The following PRKN variants were observed in gnomAD, a reference collection of about 807,000 sequenced individuals.
PRKN encodes the protein parkin RBR E3 ubiquitin protein ligase, also known as E3 ubiquitin-protein ligase parkin.
PRKN carries 56 observed loss-of-function variants against 59.5 expected under a neutral mutation model. That is an observed-to-expected ratio of 0.94 (90% CI 0.76 to 1.18). The LOEUF is 1.18. Among genes scored for constraint, PRKN ranks in the 50% most tolerant of loss-of-function variants. PRKN has a pLI of 0.00. For synonymous variants in PRKN, 250 were observed against 222.1 expected, an observed-to-expected ratio of 1.13 and a Z score of -1.12; for missense variants, 657 against 596.4, an observed-to-expected ratio of 1.10 and a Z score of -1.06.
At chr6:161,698,827 A>G (rs1178033148) in intron 7 of PRKN, among the ~76,000 whole-genome samples, 3 of 152,212 alleles carry the variant, frequency 2.0e-5, no homozygotes, top group Non-Finnish European at 4.4e-5. Flanking sequence ...GTAAAACACT[A>G]AACTATAAAA....
At chr6:162,233,489 T>C (rs1778511547) in intron 3 of PRKN, among the ~76,000 whole-genome samples, 1 of 152,192 alleles carries the variant, frequency 6.6e-6, no homozygotes, top group South Asian at 2.1e-4. Flanking sequence ...CTCAGTTATG[T>C]TAATGGAAAG....
chr6:161,414,491 C>T lies in PRKN; in HGVS notation c.1084-27614G>A, dbSNP rs1054918749. Among the ~76,000 whole-genome samples the T allele has an allele frequency of 4.6e-5, 7 of 152,200 alleles. No individual in the cohort carries two copies. The highest frequency in any genetic ancestry group is 1.2e-4 in the African/African-American group (5 of 41,434). Reference sequence around the variant, plus strand: ...CTCAAATGTTCTCTGATCTCCTGTTCGAAGCAAATAACAGAGTGCTAAAAT... The same window carrying T: ...CTCAAATGTTCTCTGATCTCCTGTTTGAAGCAAATAACAGAGTGCTAAAAT... On this transcript the variant is annotated intron_variant, in intron 9 of 11. Coordinates refer to ENST00000366898, the MANE Select transcript of PRKN (RefSeq NM_004562.3). The surrounding 1 kb of genome is among the most constrained non-coding windows in gnomAD (Gnocchi z 5.3).
chr6:161,687,614 G>T (rs186157102), intron 7 of PRKN, among the ~76,000 whole-genome samples: 31 of 150,418 alleles, frequency 2.1e-4, no homozygotes, highest in Admixed American at 5.3e-4. Context: ...GAACCACCAC[G>T]CCCGGCTAAT....
At chr6:162,322,860 A>G (rs911185813) in intron 2 of PRKN, among the ~76,000 whole-genome samples, 4 of 151,946 alleles carry the variant, frequency 2.6e-5, no homozygotes, top group Non-Finnish European at 5.9e-5. Context: ...AGAAAATGTG[A>G]CACATATATA....
chr6:162,315,281 T>A (rs1333761685), intron 2 of PRKN, among the ~76,000 whole-genome samples: 1 of 152,160 alleles, frequency 6.6e-6, no homozygotes, highest in Non-Finnish European at 1.5e-5. Flanking sequence ...TATAAGCAAC[T>A]AGTTATTGAA....
intron 7 of PRKN, among the ~76,000 whole-genome samples, chr6:161,689,185 T>TAC (rs34193135): frequency 0.071 from 10,227 of 143,944 alleles, 399 homozygotes; most frequent in East Asian, 0.11. Context: ...AATTAAATTG[T>TAC]ACACACACAC....
At chr6:162,613,948 G>A (rs1043461034) in intron 1 of PRKN, among the ~76,000 whole-genome samples, 3 of 152,078 alleles carry the variant, frequency 2.0e-5, no homozygotes, top group Admixed American at 6.6e-5. Flanking sequence ...TCACTGAGAG[G>A]GTTCCAGGAA....
At position 161,473,151 on chromosome 6, in the gene PRKN, A is replaced by T. The variant is rs114914531; in HGVS notation, c.1083+75703T>A. Among the ~76,000 whole-genome samples the T allele has an allele frequency of 1.3e-3, 199 of 152,286 alleles. No homozygotes were observed. The highest frequency in any genetic ancestry group is 4.4e-3 in the African/African-American group (183 of 41,570). On this transcript the variant is annotated intron_variant, in intron 9 of 11. Transcript: ENST00000366898. This position sits in a 1 kb window ranked among gnomAD's most constrained non-coding sequence, Gnocchi z 4.1. ...TGATCCAGCAATCTCTCTGCTGAGT[A>T]TATACTCAAAAGAAGTAAAATTAGC...
intron 7 of PRKN, 126 bp downstream of exon 7, chr6:161,785,646 T>A (rs1481192522): frequency 2.2e-6 from 2 of 916,080 alleles, no homozygotes; most frequent in East Asian, 2.6e-5. Context: ...ATGTTTCATA[T>A]CCAGCAATGA....
rs558199535 is a variant in PRKN, at chr6:161,377,990, A to C, written c.1167+8804T>G. 1.2e-3 allele frequency among the ~76,000 whole-genome samples: 176 copies of C among 152,234 alleles called. No homozygotes were observed. Among genetic ancestry groups the C allele is most frequent in the African/African-American group, 4.2e-3 (175 of 41,540 alleles). ...GCCCAAACAGATGAGGCAGCAGCTGACAGTGGACTGTGTGTGGAAAGGAAA... is the reference window on the plus strand; with the variant it reads ...GCCCAAACAGATGAGGCAGCAGCTGCCAGTGGACTGTGTGTGGAAAGGAAA... On this transcript the variant is annotated intron_variant, in intron 10 of 11. Transcript: ENST00000366898. The surrounding 1 kb of genome is among the most constrained non-coding windows in gnomAD (Gnocchi z 4.2).
intron 1 of PRKN, among the ~76,000 whole-genome samples, chr6:162,566,486 A>G (rs745819493): frequency 5.3e-5 from 8 of 152,322 alleles, no homozygotes; most frequent in East Asian, 1.9e-4. Flanking sequence ...AAGGATCATT[A>G]GTGGCTACTA....
chr6:162,264,200 C>T (rs1780021710), intron 2 of PRKN, among the ~76,000 whole-genome samples: 1 of 152,134 alleles, frequency 6.6e-6, no homozygotes, highest in Non-Finnish European at 1.5e-5. Context: ...TTGCTTGAAC[C>T]TGGGAGGCGA....
Position 161,545,335 on chromosome 6 carries a change from A to G in PRKN, c.1083+3519T>C. 6.3e-7 allele frequency: 1 copy of G among 1,598,750 alleles called. No individual in the cohort carries two copies. The highest frequency in any genetic ancestry group is 8.5e-7 in the Non-Finnish European group (1 of 1,172,426). On this transcript the variant is annotated intron_variant, in intron 9 of 11. Transcript: ENST00000366898. The surrounding 1 kb of genome is among the most constrained non-coding windows in gnomAD (Gnocchi z 4.1). ...CTTTTTCCACATCTGGAACTCTGTA[A>G]TTCTTCTATAGCTTTGCTACCAATG...
chr6:162,193,149 T>C (rs780638554), intron 4 of PRKN, among the ~76,000 whole-genome samples: 19 of 152,268 alleles, frequency 1.2e-4, no homozygotes, highest in Middle Eastern at 6.8e-3. Context: ...GTCAATGAAT[T>C]ACCAACATTG....
chr6:162,585,873 T>C (rs1051185018), intron 1 of PRKN, among the ~76,000 whole-genome samples: 2 of 152,054 alleles, frequency 1.3e-5, no homozygotes, highest in South Asian at 4.1e-4. Flanking sequence ...GGCTAATTTT[T>C]TTTGTGTTTT....
At chr6:162,258,417 G>C (rs1373745788) in intron 3 of PRKN, among the ~76,000 whole-genome samples, 1 of 152,176 alleles carries the variant, frequency 6.6e-6, no homozygotes, top group East Asian at 1.9e-4. Flanking sequence ...CATCTCATCT[G>C]TCAGGAGATG....
intron 2 of PRKN, among the ~76,000 whole-genome samples, chr6:162,419,831 A>G (rs994725928): frequency 6.6e-6 from 1 of 151,870 alleles, no homozygotes; most frequent in African/African-American, 2.4e-5. Flanking sequence ...GAGAGAGAGA[A>G]CCATTTTAGA....
chr6:162,409,915 A>G (rs1384615945), intron 2 of PRKN, among the ~76,000 whole-genome samples: 2 of 152,224 alleles, frequency 1.3e-5, no homozygotes, highest in East Asian at 1.9e-4. Flanking sequence ...TTTTCACGGG[A>G]TATGTGCAAC....
chr6:161,723,056 G>T (rs760990646), intron 7 of PRKN, among the ~76,000 whole-genome samples: 2 of 152,138 alleles, frequency 1.3e-5, no homozygotes, highest in Non-Finnish European at 2.9e-5. Flanking sequence ...ATCACTTGAG[G>T]TCAAGAGTTC....
Sources: allele counts gnomAD v4.1 joint callset (sites outside exome capture counted in the v4.1 genomes callset), GRCh38; gene constraint gnomAD v4.1.1; non-coding constraint Gnocchi (gnomAD v3.1); transcripts MANE v1.5; gene names NCBI Gene and HGNC (gene_info 2026-07-23, HGNC 2026-07-21).